Variants in OAT observed in about 807,000 individuals in gnomAD.
OAT encodes the protein ornithine aminotransferase, also known as ornithine aminotransferase, mitochondrial.
In OAT, 35 loss-of-function variants were observed where a neutral mutation model predicts 48.4. The ratio of observed to expected loss-of-function variants is 0.72; its 90% confidence interval spans 0.55 to 0.96. OAT has a LOEUF of 0.96. OAT is among the 40% of genes least tolerant of loss of function. The probability of loss-of-function intolerance (pLI) is 0.00; values close to 1 mark genes in which losing one functional copy is unlikely to be tolerated. For synonymous variants in OAT, 182 were observed against 198.4 expected (o/e 0.92, Z 0.70); for missense variants, 438 against 537.9 (o/e 0.81, Z 1.84).
chr10:124,408,843 A>T lies in OAT; in HGVS notation c.322T>A (p.Leu108Met). The T allele has an allele frequency of 1.2e-6, 2 of 1,613,032 alleles. No homozygotes were observed. The highest frequency in any genetic ancestry group is 1.7e-6 in the Non-Finnish European group (2 of 1,179,936). ...TAGAAAGCTCTAGATGTTAAGGTCA[A>T]TTTGTCCACTTGACTCTTCAGAGCA... ...VNALKSQVDK[L>M]TLTSRAFYNN... Residue 108 changes from leucine to methionine, a missense_variant, in exon 3 of 10, where the codon TTG becomes ATG. Coordinates refer to ENST00000368845, the MANE Select transcript of OAT (RefSeq NM_000274.4).
At position 124,408,558 on chromosome 10, in the gene OAT, T is replaced by C. The variant is rs138591022; in HGVS notation, c.504A>G (p.Ala168=). ...TTCACATACCTGCAAAAACAATCTT[T>C]GCTTTGTATTTCTGAATGCCCTTCA... ...YTVKGIQKYK[A]KIVFAAGNFW... The change falls in exon 4 of 10, where the codon GCA becomes GCG. Residue 168 remains alanine, a synonymous_variant. Coordinates refer to ENST00000368845, the MANE Select transcript of OAT (RefSeq NM_000274.4). 1.2e-6 allele frequency: 2 copies of C among 1,611,494 alleles called. No homozygotes were observed. The highest frequency in any genetic ancestry group is 2.2e-5 in the East Asian group (1 of 44,870).
rs530469479 is a variant in OAT at position 124,403,760 on chromosome 10, C to T, written c.771+38G>A. ...TCAGCCTCATCACAAACAGCTAACTCGACATTCAGCCTTATCACAAACAGC... is the reference window on the plus strand; with the variant it reads ...TCAGCCTCATCACAAACAGCTAACTTGACATTCAGCCTTATCACAAACAGC... On this transcript the variant is annotated intron_variant, in intron 6 of 9. Transcript: ENST00000368845. 37 of 1,613,428 alleles carry T rather than the reference C, an allele frequency of 2.3e-5. No individual in the cohort carries two copies. The South Asian group carries it at 3.6e-4, about 16-fold the overall frequency.
intron 9 of OAT, 25 bp from the exon 10 acceptor site, chr10:124,398,127 A>T (rs1158386666): frequency 6.2e-7 from 1 of 1,613,536 alleles, no homozygotes; most frequent in Non-Finnish European, 8.5e-7. Context: ...TAAAACGTAC[A>T]TGCTCAAAGA....
At chr10:124,417,528 G>T (rs954711192) in intron 1 of OAT, among the ~76,000 whole-genome samples, 1 of 152,070 alleles carries the variant, frequency 6.6e-6, no homozygotes, top group African/African-American at 2.4e-5. Flanking sequence ...CAGGTGATCC[G>T]CCTGCCTGGG....
chr10:124,401,726 C>T lies in OAT; in HGVS notation c.1014G>A (p.Glu338=), dbSNP rs762633186. ...LGCRVAIAAL[E]VLEEENLAEN... Reference sequence around the variant, plus strand: ...ACTGTGTGGCTGTATCAGTCTTTACCTCAAGGGCTGCGATGGCCACTCGGC... The same window carrying T: ...ACTGTGTGGCTGTATCAGTCTTTACTTCAAGGGCTGCGATGGCCACTCGGC... The change falls in exon 8 of 10, where the codon GAG becomes GAA. Residue 338 remains glutamate, a splice_region_variant and synonymous_variant. Coordinates refer to ENST00000368845, the MANE Select transcript of OAT (RefSeq NM_000274.4). 1.2e-5 allele frequency: 19 copies of T among 1,606,438 alleles called. 1 individual carries two copies. In the South Asian group the frequency reaches 1.8e-4, roughly 15 times the overall value.
chr10:124,400,707 G>T, intron 9 of OAT, 133 bp downstream of exon 9: 1 of 652,692 alleles, frequency 1.5e-6, no homozygotes, highest in Non-Finnish European at 2.5e-6. Context: ...CCAAGATTGC[G>T]CCACGGCACT....
rs776819570 is a variant in OAT, at chr10:124,398,075, C to T, written c.1187G>A (p.Arg396Gln). The change falls in exon 10 of 10, where the codon CGA becomes CAA. Residue 396 changes from arginine (R) to glutamine (Q), a missense_variant. By Grantham distance (43) the Arg-to-Gln change is conservative. Transcript: ENST00000368845. ...GGCCAGAAGTCCATTATCTCGAAGT[C>T]GTAGACACACCTTCCAAGCATCCCA... ...KDWDAWKVCLRLRDNGLLAKP... is the reference protein window; with the variant it reads ...KDWDAWKVCLQLRDNGLLAKP... 2.0e-5 allele frequency: 33 copies of T among 1,613,920 alleles called. No individual in the cohort carries two copies. Among genetic ancestry groups the T allele is most frequent in the East Asian group, 2.2e-5 (1 of 44,900 alleles).
At position 124,408,803 on chromosome 10, in the gene OAT, C is replaced by T. The variant is rs386833605; in HGVS notation, c.362G>A (p.Gly121Asp). Reference sequence around the variant, plus strand: ...TTTAGTAATATACTCCTCATATTCACCAAGTACGTTATTATAGAAAGCTCT... The same window carrying T: ...TTTAGTAATATACTCCTCATATTCATCAAGTACGTTATTATAGAAAGCTCT... ...TSRAFYNNVL[G>D]EYEEYITKLF... The change falls in exon 3 of 10, where the codon GGT becomes GAT. Residue 121 changes from glycine (G) to aspartate (D), a missense_variant. Physicochemically the swap from Gly to Asp is moderately conservative, Grantham distance 94. Transcript: ENST00000368845. The T allele has an allele frequency of 5.6e-6, 9 of 1,612,398 alleles. No homozygotes were observed. The highest frequency in any genetic ancestry group is 7.6e-6 in the Non-Finnish European group (9 of 1,179,816).
Position 124,400,902 on chromosome 10 carries a change from T to G in OAT, c.1097A>C (p.Asp366Ala). The change falls in exon 9 of 10, where the codon GAT becomes GCT. Residue 366 changes from aspartate to alanine, a missense_variant. Physicochemically the swap from Asp to Ala is moderately radical, Grantham distance 126. Coordinates refer to ENST00000368845, the MANE Select transcript of OAT (RefSeq NM_000274.4). Reference protein sequence around the residue: ...LRNELMKLPSDVVTAVRGKGL... With the variant: ...LRNELMKLPSAVVTAVRGKGL... ...TTTTCCTCTTACGGCAGTTACAACA[T>G]CAGAAGGTAGCTTCATGAGTTCATT... 3.7e-6 allele frequency: 6 copies of G among 1,607,738 alleles called. No individual in the cohort carries two copies. Among genetic ancestry groups the G allele is most frequent in the Non-Finnish European group, 5.1e-6 (6 of 1,175,922 alleles).
intron 5 of OAT, among the ~76,000 whole-genome samples, chr10:124,404,990 G>A (rs1005948399): frequency 3.3e-5 from 5 of 152,224 alleles, no homozygotes; most frequent in Admixed American, 1.3e-4. Flanking sequence ...TTTGCAGTGA[G>A]ACGAGATTGT....
chr10:124,412,338 CCAT>C, intron 1 of OAT, 138 bp from the exon 2 acceptor site: 1 of 671,790 alleles, frequency 1.5e-6, no homozygotes, highest in Admixed American at 2.6e-5. Flanking sequence ...GAGCAAGACT[CCAT>C]CACTAAAAAA....
chr10:124,407,934 G>T (rs1260055906), intron 4 of OAT, among the ~76,000 whole-genome samples: 10 of 151,908 alleles, frequency 6.6e-5, no homozygotes, highest in African/African-American at 2.4e-4. Flanking sequence ...GGCACAACAG[G>T]ACCTCCAATA....
Position 124,408,984 on chromosome 10 carries a change from G to T in OAT, c.200-19C>A. The T allele has an allele frequency of 6.3e-7, 1 of 1,590,350 alleles. No homozygotes were observed. The highest frequency in any genetic ancestry group is 8.6e-7 in the Non-Finnish European group (1 of 1,159,390). Reference sequence around the variant, plus strand: ...TAAATACCTAAAATACATAAGAAAGGAAAATAATTTTAGACAATTACTATA... The same window carrying T: ...TAAATACCTAAAATACATAAGAAAGTAAAATAATTTTAGACAATTACTATA... On this transcript the variant is annotated intron_variant, in intron 2 of 9. Coordinates refer to ENST00000368845, the MANE Select transcript of OAT (RefSeq NM_000274.4).
At chr10:124,412,236 A>C in intron 1 of OAT, 36 bp from the exon 2 acceptor site, 1,331 of 1,352,624 alleles carry the variant, frequency 9.8e-4, no homozygotes, top group Non-Finnish European at 1.3e-3. Context: ...AAGAGTGAGA[A>C]TCCTTGGCTT....
chr10:124,401,160 A>T (rs2134451537), intron 8 of OAT, among the ~76,000 whole-genome samples, 176 bp from the exon 9 acceptor site: 1 of 152,370 alleles, frequency 6.6e-6, no homozygotes, highest in South Asian at 2.1e-4. Context: ...ACACTAGCTC[A>T]GAGTCTTGCT....
intron 1 of OAT, among the ~76,000 whole-genome samples, chr10:124,418,567 G>T (rs1215747016): frequency 6.6e-6 from 1 of 152,182 alleles, no homozygotes; most frequent in Non-Finnish European, 1.5e-5. Context: ...CCTGCCGCCC[G>T]CCCGTCGGCC....
At chr10:124,409,090 A>G in intron 2 of OAT, 125 bp from the exon 3 acceptor site, 1 of 662,182 alleles carries the variant, frequency 1.5e-6, no homozygotes, top group Non-Finnish European at 2.6e-6. Context: ...ACATATTTGT[A>G]GTTAAAGCTT....
intron 4 of OAT, among the ~76,000 whole-genome samples, chr10:124,406,483 T>G (rs943336280): frequency 1.3e-5 from 2 of 151,052 alleles, no homozygotes; most frequent in Non-Finnish European, 2.9e-5. Context: ...AGAGCAAGAC[T>G]GTCTCAAAAA....
rs758500670 is a variant in OAT, at chr10:124,409,003, T to C, written c.200-38A>G. ...AGAAAGGAAAATAATTTTAGACAAT[T>C]ACTATACGGCATAAAGTCCAAAAAT... On this transcript the variant is annotated intron_variant, in intron 2 of 9. Transcript: ENST00000368845. 12 of 1,530,684 alleles carry C rather than the reference T, an allele frequency of 7.8e-6. No individual in the cohort carries two copies. The Admixed American group carries it at 2.1e-4, about 26-fold the overall frequency. The allele number at this position is 1,530,684 out of a possible 1,614,324, so 94.8% of individuals were successfully genotyped here. A position where few individuals can be genotyped will look rare whatever the true frequency, so the allele number is the denominator to read the frequency against.
Sources: gnomAD v4.1 joint callset for allele counts (sites outside exome capture counted in the v4.1 genomes callset) on GRCh38, gnomAD v4.1.1 for gene constraint, MANE v1.5 for transcripts, NCBI Gene and HGNC (gene_info 2026-07-23, HGNC 2026-07-21) for gene names.